The following SPAG16 variants were observed in gnomAD, a reference collection of about 807,000 sequenced individuals.
SPAG16 encodes sperm-associated antigen 16 protein.
Under a neutral mutation model 80.4 loss-of-function variants are expected in SPAG16, and 86 were observed. The ratio of observed to expected loss-of-function variants is 1.07; its 90% CI spans 0.90 to 1.28. SPAG16 has a LOEUF of 1.28. Ranked by LOEUF, SPAG16 falls within the 50% of genes most tolerant of loss-of-function variation. The pLI, the probability that SPAG16 is intolerant of heterozygous loss-of-function variation, is 0.00. For missense variants in SPAG16, 870 were observed against 765.3 expected (o/e 1.14, Z -1.61); for synonymous variants, 294 against 265.9 (o/e 1.11, Z -1.03).
chr2:213,825,248 C>T lies in SPAG16; in HGVS notation c.1071-37237C>T, dbSNP rs182064232. ...TCTTGTCTGATTGCTTTAGCTGGGA[C>T]TTCCAGCACTATGTTGAATAACAGT... On this transcript the variant is annotated intron_variant, in intron 10 of 15. Transcript: ENST00000331683. Among the ~76,000 whole-genome samples the T allele has an allele frequency of 1.1e-4, 17 of 152,200 alleles. No individual in the cohort carries two copies. In the East Asian group the frequency reaches 2.9e-3, roughly 26 times the overall value.
chr2:214,007,248 A>AT (rs147063799), intron 12 of SPAG16, among the ~76,000 whole-genome samples: 3,792 of 151,710 alleles, frequency 0.025, 158 homozygotes, highest in African/African-American at 0.087. Context: ...TGGTATATGA[A>AT]TTTTTTTTTA....
chr2:214,120,330 A>G (rs1157647337), intron 14 of SPAG16, among the ~76,000 whole-genome samples: 2 of 151,732 alleles, frequency 1.3e-5, no homozygotes, highest in East Asian at 1.9e-4. Flanking sequence ...TTCTATTTCA[A>G]TTACTACATT....
chr2:213,412,374 C>A (rs1170869394), intron 9 of SPAG16, among the ~76,000 whole-genome samples: 1 of 152,130 alleles, frequency 6.6e-6, no homozygotes, highest in Non-Finnish European at 1.5e-5. Flanking sequence ...GTGTGCTCAC[C>A]ATTGTTCCAT....
intron 15 of SPAG16, among the ~76,000 whole-genome samples, chr2:214,381,394 C>A (rs779200191): frequency 6.6e-6 from 1 of 152,128 alleles, no homozygotes; most frequent in African/African-American, 2.4e-5. Flanking sequence ...CTGCATAGAG[C>A]ATAAGACATA....
intron 9 of SPAG16, among the ~76,000 whole-genome samples, chr2:213,399,727 A>G (rs576802345): frequency 2.0e-5 from 3 of 152,122 alleles, no homozygotes; most frequent in African/African-American, 4.8e-5. Context: ...TGGAAGACCT[A>G]TTCCTTAAAT....
intron 13 of SPAG16, among the ~76,000 whole-genome samples, chr2:214,093,586 C>T (rs941402556): frequency 6.6e-6 from 1 of 151,854 alleles, no homozygotes; most frequent in Non-Finnish European, 1.5e-5. Flanking sequence ...TACTCATGCA[C>T]GCGTGTCTAT....
chr2:213,360,410 C>G (rs773923985), intron 7 of SPAG16, among the ~76,000 whole-genome samples: 1 of 152,216 alleles, frequency 6.6e-6, no homozygotes, highest in African/African-American at 2.4e-5. Flanking sequence ...ACCCAAACTG[C>G]TAAGTGGCCA....
intron 11 of SPAG16, among the ~76,000 whole-genome samples, chr2:213,913,308 TTCATTGTTTGCTAA>T (rs1231200737): frequency 6.6e-6 from 1 of 152,108 alleles, no homozygotes; most frequent in African/African-American, 2.4e-5. Flanking sequence ...TTCGATGATT[TTCATTGTTTGCTAA>T]TACAAACAAT....
In SPAG16 at chr2:214,291,719, G is replaced by GT. The variant is rs199633591; in HGVS notation, c.1721-118418dup. ...AAGGTTTACTTCCTACCACATTGTT[G>GT]TTTCGGGTTGTGTTGTATATTTTTT... On this transcript the variant is annotated intron_variant, in intron 15 of 15. Coordinates refer to ENST00000331683, the MANE Select transcript of SPAG16 (RefSeq NM_024532.5). Among the ~76,000 whole-genome samples, 706 of 152,224 alleles carry GT rather than the reference G, an allele frequency of 4.6e-3. 4 individuals carry two copies. The highest frequency in any genetic ancestry group is 0.016 in the African/African-American group (671 of 41,540).
intron 15 of SPAG16, among the ~76,000 whole-genome samples, chr2:214,354,826 T>C (rs1437463037): frequency 6.6e-6 from 1 of 152,162 alleles, no homozygotes; most frequent in Non-Finnish European, 1.5e-5. Context: ...ATAAGAATGC[T>C]TGTGATTTTT....
chr2:213,975,244 C>T (rs1012059485), intron 12 of SPAG16, among the ~76,000 whole-genome samples: 4 of 150,714 alleles, frequency 2.7e-5, no homozygotes, highest in African/African-American at 4.8e-5. Context: ...AGTTTATTTT[C>T]AAGTGCCTAT....
chr2:213,920,937 TCTC>T (rs935760239), intron 11 of SPAG16, among the ~76,000 whole-genome samples: 4 of 152,150 alleles, frequency 2.6e-5, no homozygotes, highest in Admixed American at 6.5e-5. Flanking sequence ...AGTTTAGGGG[TCTC>T]CTCCTGCCAA....
intron 2 of SPAG16, 52 bp downstream of exon 2, chr2:213,296,162 C>T: frequency 8.0e-7 from 1 of 1,256,922 alleles, no homozygotes; most frequent in Non-Finnish European, 1.2e-6. Context: ...CAGTCATTCT[C>T]ATGAAATGCT....
At position 213,833,512 on chromosome 2, in the gene SPAG16, A is replaced by T. The variant is rs1242918012; in HGVS notation, c.1071-28973A>T. ...TATATATAATATATATATTATATAT[A>T]ATATATATAATATATATATTATATA... On this transcript the variant is annotated intron_variant, in intron 10 of 15. Coordinates refer to ENST00000331683, the MANE Select transcript of SPAG16 (RefSeq NM_024532.5). Among the ~76,000 whole-genome samples, 2 of 1,008 alleles carry T rather than the reference A, an allele frequency of 2.0e-3. 1 individual carries two copies. The highest frequency in any genetic ancestry group is 5.2e-3 in the African/African-American group (2 of 386). The allele number at this position is 1,008 out of a possible 152,430, so 0.7% of individuals were successfully genotyped here.
chr2:213,581,254 G>A (rs1039165164), intron 10 of SPAG16, among the ~76,000 whole-genome samples: 1 of 152,032 alleles, frequency 6.6e-6, no homozygotes, highest in African/African-American at 2.4e-5. Flanking sequence ...GTCTTGCTCT[G>A]TTGCACCACC....
At chr2:213,953,718 G>A (rs1235318224) in intron 12 of SPAG16, among the ~76,000 whole-genome samples, 1 of 151,778 alleles carries the variant, frequency 6.6e-6, no homozygotes, top group Non-Finnish European at 1.5e-5. Context: ...CGTTCAAGTA[G>A]AAGTTTAAGA....
intron 10 of SPAG16, among the ~76,000 whole-genome samples, chr2:213,859,101 C>T (rs1257629837): frequency 1.5e-5 from 2 of 130,850 alleles, no homozygotes; most frequent in Non-Finnish European, 3.1e-5. Context: ...ATTGCTTGAA[C>T]TTGGGAGGGG....
chr2:214,116,791 G>A (rs2053956111), intron 14 of SPAG16, among the ~76,000 whole-genome samples: 1 of 152,202 alleles, frequency 6.6e-6, no homozygotes. Flanking sequence ...CCTGGGCTGA[G>A]AGGTTCCTCT....
intron 10 of SPAG16, among the ~76,000 whole-genome samples, chr2:213,615,135 A>G (rs1574500209): frequency 6.6e-6 from 1 of 152,224 alleles, no homozygotes; most frequent in African/African-American, 2.4e-5. Flanking sequence ...AACATATACT[A>G]TGGGTACAGT....
Sources: gnomAD v4.1 joint callset for allele counts (sites outside exome capture counted in the v4.1 genomes callset) on GRCh38, gnomAD v4.1.1 for gene constraint, MANE v1.5 for transcripts, NCBI Gene and HGNC (gene_info 2026-07-23, HGNC 2026-07-21) for gene names.